The following SLC6A3 variants were observed in gnomAD, a reference collection of about 807,000 sequenced individuals.
The protein encoded by SLC6A3 is solute carrier family 6 member 3, also known as sodium-dependent dopamine transporter.
SLC6A3 carries 19 observed loss-of-function variants against 70.4 expected under a neutral mutation model. The ratio of observed to expected loss-of-function variants is 0.27; its 90% CI spans 0.19 to 0.40. The LOEUF (loss-of-function observed/expected upper bound fraction) is 0.40, where lower values mean the gene tolerates loss of function less well. Among genes scored for constraint, SLC6A3 ranks in the 10% least tolerant of loss-of-function variants. The pLI is 1.00. For missense variants in SLC6A3, 613 were observed against 838.5 expected (o/e 0.73, Z 3.32); for synonymous variants, 368 against 356.6 (o/e 1.03, Z -0.36).
At chr5:1,432,022 G>A (rs1213960125) in intron 4 of SLC6A3, among the ~76,000 whole-genome samples, 1 of 152,178 alleles carries the variant, frequency 6.6e-6, no homozygotes, top group African/African-American at 2.4e-5. Context: ...AGAGGGCAAG[G>A]GCCGGAGTGA....
In SLC6A3 at chr5:1,427,033, T is replaced by C. The variant is rs535367178; in HGVS notation, c.654-5019A>G. On this transcript the variant is annotated intron_variant, in intron 4 of 14. Transcript: ENST00000270349. ...AATCACTGCCAGCAAGTCTACGCTATGAGAAATGTTAAAGGAAATTCTTTA... is the reference window on the plus strand; with the variant it reads ...AATCACTGCCAGCAAGTCTACGCTACGAGAAATGTTAAAGGAAATTCTTTA... 3.9e-4 allele frequency among the ~76,000 whole-genome samples: 59 copies of C among 152,338 alleles called. No homozygotes were observed. In the South Asian group the frequency reaches 7.5e-3, roughly 19 times the overall value.
At position 1,439,693 on chromosome 5, in the gene SLC6A3, T is replaced by C. The variant is rs556427531; in HGVS notation, c.418+1666A>G. On this transcript the variant is annotated intron_variant, in intron 3 of 14. Coordinates refer to ENST00000270349, the MANE Select transcript of SLC6A3 (RefSeq NM_001044.5). ...ACACACAGCTTTTCCAGAACTTCTA[T>C]GAGTATCCAGAGGCTGACCTTCTAG... 1.2e-4 allele frequency among the ~76,000 whole-genome samples: 18 copies of C among 152,364 alleles called. No homozygotes were observed. The South Asian group carries it at 3.5e-3, about 30-fold the overall frequency.
chr5:1,415,846 G>C (rs967217529), intron 7 of SLC6A3, among the ~76,000 whole-genome samples: 1 of 152,188 alleles, frequency 6.6e-6, no homozygotes, highest in Non-Finnish European at 1.5e-5. Context: ...GAATCTGGCC[G>C]CAGGTCAAAC....
rs926193031 is a variant in SLC6A3, at chr5:1,394,298, A to G, written c.*437T>C. Reference sequence around the variant, plus strand: ...ACACTTGGCTTTTTAATATGGGCAAAGTAAATGGTCTAGGAAGCTACTGTG... The same window carrying G: ...ACACTTGGCTTTTTAATATGGGCAAGGTAAATGGTCTAGGAAGCTACTGTG... On this transcript the variant is annotated 3_prime_UTR_variant, in exon 15 of 15. Coordinates refer to ENST00000270349, the MANE Select transcript of SLC6A3 (RefSeq NM_001044.5). This position sits in a 1 kb window ranked among gnomAD's most constrained non-coding sequence, Gnocchi z 4.7. 8.2e-6 allele frequency: 2 copies of G among 244,078 alleles called. No homozygotes were observed. Among genetic ancestry groups the G allele is most frequent in the African/African-American group, 4.5e-5 (2 of 44,888 alleles). 15.1% of individuals were successfully genotyped at this position (244,078 alleles called of 1,614,324 possible). A position where few individuals can be genotyped will look rare whatever the true frequency, so the allele number is the denominator to read the frequency against.
chr5:1,423,334 CGCTGCCCACAGT>C lies in SLC6A3; in HGVS notation c.654-1332_654-1321del, dbSNP rs1240139889. On this transcript the variant is annotated intron_variant, in intron 4 of 14. Coordinates refer to ENST00000270349, the MANE Select transcript of SLC6A3 (RefSeq NM_001044.5). ...GCTGCCCATGGTGCTGGGTACCCAC[CGCTGCCCACAGT>C]GCTGCCCACGCTGCTGGGTACCCAC... Among the ~76,000 whole-genome samples the C allele has an allele frequency of 1.4e-5, 2 of 139,564 alleles. 1 individual carries two copies. The highest frequency in any genetic ancestry group is 3.1e-5 in the Non-Finnish European group (2 of 65,038). 91.6% of individuals were successfully genotyped at this position (139,564 alleles called of 152,430 possible).
Position 1,421,181 on chromosome 5 carries a change from T to G in SLC6A3, c.793-478A>C, listed in dbSNP as rs547844765. Among the ~76,000 whole-genome samples, 1 of 150,840 alleles carries G rather than the reference T, an allele frequency of 6.6e-6. No individual in the cohort carries two copies. Among genetic ancestry groups the G allele is most frequent in the African/African-American group, 2.4e-5 (1 of 41,006 alleles). ...TTTGGCCCATATAACAACCAAAGTTTTTTTTTTTTTTTTGAGATGGAGTTT... is the reference window on the plus strand; with the variant it reads ...TTTGGCCCATATAACAACCAAAGTTGTTTTTTTTTTTTTGAGATGGAGTTT... On this transcript the variant is annotated intron_variant, in intron 5 of 14. Transcript: ENST00000270349. The surrounding 1 kb of genome is among the most constrained non-coding windows in gnomAD (Gnocchi z 7.2).
chr5:1,411,511 G>A lies in SLC6A3; in HGVS notation c.1157-156C>T, dbSNP rs2126344539. The stretch of plus-strand genomic sequence containing the variant: ...AAAGCCCCCTTCTATATGTCCAGCA[G>A]ACCAGGCCTGGGACTCAGGAAAGCG... On this transcript the variant is annotated intron_variant, in intron 8 of 14. Transcript: ENST00000270349. This position sits in a 1 kb window ranked among gnomAD's most constrained non-coding sequence, Gnocchi z 6.5. Among the ~76,000 whole-genome samples, 1 of 152,304 alleles carries A rather than the reference G, an allele frequency of 6.6e-6. No individual in the cohort carries two copies. The highest frequency in any genetic ancestry group is 6.5e-5 in the Admixed American group (1 of 15,304).
At chr5:1,414,880 A>G in intron 7 of SLC6A3, 65 bp from the exon 8 acceptor site, 4 of 1,604,304 alleles carry the variant, frequency 2.5e-6, no homozygotes, top group Non-Finnish European at 3.4e-6. Flanking sequence ...TTTTCCAGTC[A>G]TTATTCTTAA....
At position 1,442,876 on chromosome 5, in the gene SLC6A3, G is replaced by C; in HGVS notation, c.286+36C>G. ...CCGGCTGCCCCTACGACCCCCGCCCGGCCAGCATGCTCAGGGAGGCTGAGA... is the reference window on the plus strand; with the variant it reads ...CCGGCTGCCCCTACGACCCCCGCCCCGCCAGCATGCTCAGGGAGGCTGAGA... On this transcript the variant is annotated intron_variant, in intron 2 of 14. Transcript: ENST00000270349. The surrounding 1 kb of genome is among the most constrained non-coding windows in gnomAD (Gnocchi z 5.0). The C allele has an allele frequency of 6.2e-7, 1 of 1,612,864 alleles. No individual in the cohort carries two copies. Among genetic ancestry groups the C allele is most frequent in the African/African-American group, 1.3e-5 (1 of 75,002 alleles).
In SLC6A3 at chr5:1,421,737, C is replaced by T; in HGVS notation, c.792+139G>A. 1 of 905,826 alleles carries T rather than the reference C, an allele frequency of 1.1e-6. No homozygotes were observed. The highest frequency in any genetic ancestry group is 1.3e-5 in the South Asian group (1 of 75,926). The allele number at this position is 905,826 out of a possible 1,614,324, so 56.1% of individuals were successfully genotyped here. On this transcript the variant is annotated intron_variant, in intron 5 of 14. Transcript: ENST00000270349. This position sits in a 1 kb window ranked among gnomAD's most constrained non-coding sequence, Gnocchi z 7.2. ...CCCAAACTCAACCATGGCCATGTGT[C>T]CACCCCAACCTGGCCATGGCCACAT... is the stretch of plus-strand genomic sequence containing the variant.
chr5:1,438,604 C>T lies in SLC6A3; in HGVS notation c.418+2755G>A, dbSNP rs368823689. Among the ~76,000 whole-genome samples, 1 of 152,212 alleles carries T rather than the reference C, an allele frequency of 6.6e-6. No homozygotes were observed. The highest frequency in any genetic ancestry group is 2.4e-5 in the African/African-American group (1 of 41,444). ...AACGGCAGCTTTGTTGGTGAACATC[C>T]TTTCTGTGTGACAGACGGAAGGAAA... On this transcript the variant is annotated intron_variant, in intron 3 of 14. Coordinates refer to ENST00000270349, the MANE Select transcript of SLC6A3 (RefSeq NM_001044.5). The surrounding 1 kb of genome is among the most constrained non-coding windows in gnomAD (Gnocchi z 6.5).
chr5:1,414,880 AT>A, intron 7 of SLC6A3, 65 bp from the exon 8 acceptor site: 1 of 1,604,304 alleles, frequency 6.2e-7, no homozygotes. Context: ...TTTTCCAGTC[AT>A]TATTCTTAAT....
chr5:1,398,294 G>A (rs1382631520), intron 14 of SLC6A3, among the ~76,000 whole-genome samples: 2 of 151,160 alleles, frequency 1.3e-5, no homozygotes, highest in African/African-American at 4.9e-5. Flanking sequence ...CTGGGAGGTG[G>A]AGGTTGCAGT....
chr5:1,440,081 T>A (rs1350782773), intron 3 of SLC6A3, among the ~76,000 whole-genome samples: 2 of 152,146 alleles, frequency 1.3e-5, no homozygotes, highest in African/African-American at 2.4e-5. Context: ...GAGCAGGACA[T>A]CAGCAGCCGG....
chr5:1,423,329 C>A (rs1756506196), intron 4 of SLC6A3, among the ~76,000 whole-genome samples: 4 of 150,754 alleles, frequency 2.7e-5, no homozygotes, highest in Admixed American at 2.6e-4. Flanking sequence ...GTGCTGGGTA[C>A]CCACCGCTGC....
rs1756867607 is a variant in SLC6A3 at position 1,437,543 on chromosome 5, TGC to T, written c.418+3814_418+3815del. ...CACCTCTCAGGACCCTGGGGTGCAC[TGC>T]GGGGCTGAAGGCCCCAGAGGCCCCT... On this transcript the variant is annotated intron_variant, in intron 3 of 14. Coordinates refer to ENST00000270349, the MANE Select transcript of SLC6A3 (RefSeq NM_001044.5). The surrounding 1 kb of genome is among the most constrained non-coding windows in gnomAD (Gnocchi z 4.8). 6.6e-6 allele frequency among the ~76,000 whole-genome samples: 1 copy of T among 152,188 alleles called. No homozygotes were observed. Among genetic ancestry groups the T allele is most frequent in the African/African-American group, 2.4e-5 (1 of 41,446 alleles).
rs896889707 is a variant in SLC6A3, at chr5:1,411,443, T to C, written c.1157-88A>G. 2.3e-5 allele frequency: 22 copies of C among 966,108 alleles called. No individual in the cohort carries two copies. In the African/African-American group the frequency reaches 3.2e-4, roughly 14 times the overall value. 59.8% of individuals were successfully genotyped at this position (966,108 alleles called of 1,614,324 possible). On this transcript the variant is annotated intron_variant, in intron 8 of 14. Transcript: ENST00000270349. The surrounding 1 kb of genome is among the most constrained non-coding windows in gnomAD (Gnocchi z 6.5). ...CCACCCCGCCCCGAGAAGCATGGCCTGCCACAGGCCTGTAGAGACTAGGGC... is the reference window on the plus strand; with the variant it reads ...CCACCCCGCCCCGAGAAGCATGGCCCGCCACAGGCCTGTAGAGACTAGGGC...
In SLC6A3 at chr5:1,406,391, G is replaced by A. The variant is rs373012965; in HGVS notation, c.1499-103C>T. ...CTGACTCCCAAGGGCCCCACCTACC[G>A]GCCCCAGGCTTCGGCTGCACCCAGC... is the stretch of plus-strand genomic sequence containing the variant. On this transcript the variant is annotated intron_variant, in intron 11 of 14. Coordinates refer to ENST00000270349, the MANE Select transcript of SLC6A3 (RefSeq NM_001044.5). The surrounding 1 kb of genome is among the most constrained non-coding windows in gnomAD (Gnocchi z 8.8). 5.6e-4 allele frequency: 563 copies of A among 1,012,038 alleles called. 2 individuals are homozygous for A. The East Asian group carries it at 0.011, about 20-fold the overall frequency. 62.7% of individuals were successfully genotyped at this position (1,012,038 alleles called of 1,614,324 possible).
At chr5:1,399,252 T>C (rs560303009) in intron 14 of SLC6A3, among the ~76,000 whole-genome samples, 2 of 152,036 alleles carry the variant, frequency 1.3e-5, no homozygotes, top group South Asian at 2.1e-4. Context: ...AAAGTCACAA[T>C]GGAAATTAAA....
Sources: gnomAD v4.1 joint callset for allele counts (sites outside exome capture counted in the v4.1 genomes callset) on GRCh38, gnomAD v4.1.1 for gene constraint, Gnocchi (gnomAD v3.1) non-coding constraint, MANE v1.5 for transcripts, NCBI Gene and HGNC (gene_info 2026-07-23, HGNC 2026-07-21) for gene names.